Variants in DACH1 observed in about 807,000 individuals in gnomAD.
The protein encoded by DACH1 is dachshund family transcription factor 1, also known as dachshund homolog 1.
A neutral mutation model predicts 54.2 loss-of-function variants in DACH1; 12 were observed. That is an observed-to-expected ratio of 0.22 (90% confidence interval 0.14 to 0.36). DACH1 has a LOEUF of 0.36. Among genes scored for constraint, DACH1 ranks in the 10% least tolerant of loss-of-function variants. The pLI, the probability that DACH1 is intolerant of heterozygous loss-of-function variation, is 1.00. For synonymous variants in DACH1, 386 were observed against 366.2 expected, an observed-to-expected ratio of 1.05 and a Z score of -0.62; for missense variants, 805 against 929.8, an observed-to-expected ratio of 0.87 and a Z score of 1.75.
At chr13:71,815,242 A>C (rs967484639) in intron 1 of DACH1, among the ~76,000 whole-genome samples, 14 of 151,872 alleles carry the variant, frequency 9.2e-5, no homozygotes, top group African/African-American at 3.4e-4. Flanking sequence ...TCCTTGGAGC[A>C]AACAAAGCTG....
intron 6 of DACH1, among the ~76,000 whole-genome samples, chr13:71,519,971 T>C (rs1881471782): frequency 7.0e-6 from 1 of 142,710 alleles, no homozygotes; most frequent in Admixed American, 7.3e-5. Context: ...CAAGACACCA[T>C]TAAACAAGCA....
intron 1 of DACH1, among the ~76,000 whole-genome samples, chr13:71,731,262 C>T (rs1883727755): frequency 6.6e-6 from 1 of 150,676 alleles, no homozygotes; most frequent in African/African-American, 2.4e-5. Flanking sequence ...AGCCACTTAA[C>T]TTCTCTTTTC....
chr13:71,542,581 T>A (rs537467986), intron 6 of DACH1, among the ~76,000 whole-genome samples: 49 of 152,240 alleles, frequency 3.2e-4, no homozygotes, highest in African/African-American at 1.1e-3. Context: ...AATAAATAAA[T>A]CTCTCTCCTC....
intron 6 of DACH1, among the ~76,000 whole-genome samples, chr13:71,522,370 C>A (rs535394158): frequency 3.3e-5 from 5 of 151,970 alleles, no homozygotes; most frequent in Non-Finnish European, 7.4e-5. Flanking sequence ...ACCTGAGGTT[C>A]TGCTGCAGCC....
chr13:71,603,793 C>A (rs1250447408), intron 3 of DACH1, among the ~76,000 whole-genome samples: 1 of 151,694 alleles, frequency 6.6e-6, no homozygotes, highest in Admixed American at 6.6e-5. Flanking sequence ...AAAATTTATG[C>A]TTTAATTAAC....
chr13:71,830,031 T>A (rs1020732420), intron 1 of DACH1, among the ~76,000 whole-genome samples: 4 of 151,858 alleles, frequency 2.6e-5, no homozygotes, highest in African/African-American at 9.7e-5. Flanking sequence ...CTATAAATGA[T>A]CAATGATATG....
At position 71,866,269 on chromosome 13, in the gene DACH1, G is replaced by A; in HGVS notation, c.501C>T (p.Leu167=). 1 of 1,596,752 alleles carries A rather than the reference G, an allele frequency of 6.3e-7. No individual in the cohort carries two copies. The highest frequency in any genetic ancestry group is 8.5e-7 in the Non-Finnish European group (1 of 1,171,110). The change falls in exon 1 of 11, where the codon CTC becomes CTT. Residue 167 remains leucine, a synonymous_variant. Coordinates refer to ENST00000613252, the MANE Select transcript of DACH1 (RefSeq NM_080759.6). ...GGGTTGAGTACACGGGTTTCCCGGGGAGGGGGCCGCAGCTGCTGCTGCTAC... is the reference window on the plus strand; with the variant it reads ...GGGTTGAGTACACGGGTTTCCCGGGAAGGGGGCCGCAGCTGCTGCTGCTAC... ...SSSSSSSCGP[L]PGKPVYSTPS... is the part of the protein sequence containing the mutation.
intron 3 of DACH1, among the ~76,000 whole-genome samples, chr13:71,597,135 G>A (rs1874152700): frequency 6.6e-6 from 1 of 152,130 alleles, no homozygotes; most frequent in African/African-American, 2.4e-5. Flanking sequence ...TGATTTTTGT[G>A]ATGTAGCGTG....
intron 10 of DACH1, among the ~76,000 whole-genome samples, chr13:71,456,049 G>A (rs751008711): frequency 1.6e-4 from 25 of 152,020 alleles, no homozygotes; most frequent in Non-Finnish European, 3.1e-4. Flanking sequence ...AGATAATTTT[G>A]CAATTTACAA....
At chr13:71,635,121 G>T (rs572002432) in intron 2 of DACH1, among the ~76,000 whole-genome samples, 2 of 152,208 alleles carry the variant, frequency 1.3e-5, no homozygotes, top group Non-Finnish European at 2.9e-5. Context: ...TAGATTACAT[G>T]GAAAGCCACA....
At chr13:71,655,138 G>T (rs528876392) in intron 2 of DACH1, among the ~76,000 whole-genome samples, 2 of 152,120 alleles carry the variant, frequency 1.3e-5, no homozygotes, top group Non-Finnish European at 2.9e-5. Flanking sequence ...CTTCCCTGAT[G>T]GCTACAGCTG....
In DACH1 at chr13:71,449,541, G is replaced by C. The variant is rs376625966; in HGVS notation, c.2084-8849C>G. On this transcript the variant is annotated intron_variant, in intron 10 of 10. Coordinates refer to ENST00000613252, the MANE Select transcript of DACH1 (RefSeq NM_080759.6). ...GGCCTGTCAGGGGTTGGGGGCTAGG[G>C]GAGGGAGAGCATTAGGACAAATACC... Among the ~76,000 whole-genome samples, 186 of 151,988 alleles carry C rather than the reference G, an allele frequency of 1.2e-3. 1 individual carries two copies. The highest frequency in any genetic ancestry group is 4.3e-3 in the African/African-American group (178 of 41,478).
At chr13:71,449,900 T>A (rs539045926) in intron 10 of DACH1, among the ~76,000 whole-genome samples, 11 of 126,692 alleles carry the variant, frequency 8.7e-5, no homozygotes, top group South Asian at 7.6e-4. Flanking sequence ...AAGGGGAACA[T>A]CACACACCAG....
At chr13:71,856,458 A>C (rs1055931241) in intron 1 of DACH1, among the ~76,000 whole-genome samples, 2 of 152,010 alleles carry the variant, frequency 1.3e-5, no homozygotes, top group African/African-American at 4.8e-5. Context: ...AAGGTGTCAG[A>C]GATGACAATC....
chr13:71,601,438 T>C (rs1235024211), intron 3 of DACH1, among the ~76,000 whole-genome samples: 1 of 152,050 alleles, frequency 6.6e-6, no homozygotes, highest in Non-Finnish European at 1.5e-5. Context: ...CACTACATAG[T>C]AATTTATGAC....
chr13:71,820,478 T>C (rs1033978117), intron 1 of DACH1, among the ~76,000 whole-genome samples: 1 of 152,178 alleles, frequency 6.6e-6, no homozygotes. Flanking sequence ...GAAGTTTGAA[T>C]CTATTCCAAG....
chr13:71,615,260 A>G (rs910109576), intron 3 of DACH1, among the ~76,000 whole-genome samples: 1 of 152,198 alleles, frequency 6.6e-6, no homozygotes, highest in African/African-American at 2.4e-5. Flanking sequence ...TGTAGAAATA[A>G]TTTAAACCAT....
chr13:71,678,662 C>G (rs1173316759), intron 2 of DACH1, among the ~76,000 whole-genome samples: 2 of 142,912 alleles, frequency 1.4e-5, no homozygotes, highest in African/African-American at 5.1e-5. Flanking sequence ...TTCCTTCTTT[C>G]TTTTTTTTCT....
At chr13:71,461,740 T>G (rs530513478) in intron 10 of DACH1, among the ~76,000 whole-genome samples, 1 of 152,092 alleles carries the variant, frequency 6.6e-6, no homozygotes, top group Non-Finnish European at 1.5e-5. Context: ...TGTATATAAC[T>G]TCTCTGGAGA....
Sources: gnomAD v4.1 joint callset for allele counts (sites outside exome capture counted in the v4.1 genomes callset) on GRCh38, gnomAD v4.1.1 for gene constraint, MANE v1.5 for transcripts, NCBI Gene and HGNC (gene_info 2026-07-23, HGNC 2026-07-21) for gene names.